Variants in KHDRBS2 observed in about 807,000 individuals in gnomAD.
KHDRBS2 encodes the protein KH RNA binding domain containing, signal transduction associated 2, also known as KH domain-containing, RNA-binding, signal transduction-associated protein 2.
Under a neutral mutation model 44.3 loss-of-function variants are expected in KHDRBS2, and 26 were observed. The observed-to-expected ratio is 0.59, with a 90% CI of 0.43 to 0.81. The LOEUF is 0.81. Among genes scored for constraint, KHDRBS2 ranks in the 40% least tolerant of loss-of-function variants. The pLI is 0.00. For synonymous variants in KHDRBS2, 194 were observed against 151.1 expected (o/e 1.28, Z -2.08); for missense variants, 476 against 433.1 (o/e 1.10, Z -0.88).
At chr6:61,562,152 C>T in the KHDRBS2 span, among the ~76,000 whole-genome samples, 1 of 152,046 alleles carries the variant, frequency 6.6e-6, no homozygotes, top group Non-Finnish European at 1.5e-5. Context: ...GCAAAAATAT[C>T]ATAAAAATTC....
chr6:61,543,206 C>G, the KHDRBS2 span, among the ~76,000 whole-genome samples: 1 of 151,900 alleles, frequency 6.6e-6, no homozygotes, highest in East Asian at 1.9e-4. Context: ...TATTTGCAAA[C>G]TATCCATCTG....
chr6:61,598,837 C>CTTTTTTTTTTTTTTT, the KHDRBS2 span, among the ~76,000 whole-genome samples: 7 of 65,514 alleles, frequency 1.1e-4, no homozygotes, highest in Non-Finnish European at 1.7e-4. Context: ...TTTTTCTTTT[C>CTTTTTTTTTTTTTTT]TTTTTTTTTT....
the KHDRBS2 span, among the ~76,000 whole-genome samples, chr6:61,580,848 C>T: frequency 8.6e-4 from 131 of 152,208 alleles, no homozygotes; most frequent in African/African-American, 3.0e-3. Flanking sequence ...TAACACTCAC[C>T]AAGAGGGTCC....
chr6:62,062,743 T>C (rs1254710834), intron 2 of KHDRBS2, among the ~76,000 whole-genome samples: 2 of 144,468 alleles, frequency 1.4e-5, no homozygotes, highest in Non-Finnish European at 3.0e-5. Flanking sequence ...GCAAACACAT[T>C]CAAAAGCTGG....
intron 6 of KHDRBS2, among the ~76,000 whole-genome samples, chr6:61,806,655 T>C (rs1049396758): frequency 6.6e-5 from 10 of 151,964 alleles, no homozygotes; most frequent in Admixed American, 5.9e-4. Flanking sequence ...ATTTCCCAAA[T>C]AGAAATATTC....
chr6:61,791,428 TTTA>T (rs1784625893), intron 6 of KHDRBS2, among the ~76,000 whole-genome samples: 1 of 151,576 alleles, frequency 6.6e-6, no homozygotes, highest in Non-Finnish European at 1.5e-5. Context: ...GTGTAAGATT[TTTA>T]TTATCATTGA....
chr6:61,690,774 C>A (rs796603457), intron 8 of KHDRBS2, among the ~76,000 whole-genome samples: 1 of 151,962 alleles, frequency 6.6e-6, no homozygotes, highest in Non-Finnish European at 1.5e-5. Flanking sequence ...ATGACTGGCA[C>A]AGTTTGGCAA....
the KHDRBS2 span, among the ~76,000 whole-genome samples, chr6:61,642,666 A>T: frequency 6.6e-6 from 1 of 151,656 alleles, no homozygotes; most frequent in East Asian, 1.9e-4. Flanking sequence ...ACATCAAAAA[A>T]AAAAAAAAGA....
intron 8 of KHDRBS2, among the ~76,000 whole-genome samples, chr6:61,682,121 G>T (rs1766373553): frequency 6.6e-6 from 1 of 151,902 alleles, no homozygotes; most frequent in Non-Finnish European, 1.5e-5. Flanking sequence ...TAGGGCATTT[G>T]CCCCCAGATA....
At chr6:62,119,897 A>T (rs1299896740) in intron 2 of KHDRBS2, among the ~76,000 whole-genome samples, 1 of 152,178 alleles carries the variant, frequency 6.6e-6, no homozygotes, top group Non-Finnish European at 1.5e-5. Flanking sequence ...CTGTAACCAA[A>T]GTCCTGGCAG....
intron 6 of KHDRBS2, among the ~76,000 whole-genome samples, chr6:61,832,231 C>A (rs1355423527): frequency 2.6e-5 from 4 of 152,032 alleles, no homozygotes; most frequent in Admixed American, 2.6e-4. Flanking sequence ...AAGACACTAC[C>A]TCAAAAGAAA....
the KHDRBS2 span, among the ~76,000 whole-genome samples, chr6:61,594,036 G>A: frequency 6.6e-6 from 1 of 151,954 alleles, no homozygotes; most frequent in Non-Finnish European, 1.5e-5. Flanking sequence ...TCTTTATTGA[G>A]CTCATACAAA....
intron 5 of KHDRBS2, among the ~76,000 whole-genome samples, chr6:61,900,012 T>G (rs1803683028): frequency 6.6e-6 from 1 of 152,006 alleles, no homozygotes; most frequent in Non-Finnish European, 1.5e-5. Flanking sequence ...CATTAATTCT[T>G]AGCATAAACA....
At chr6:62,279,875 A>G (rs1462613889) in intron 1 of KHDRBS2, among the ~76,000 whole-genome samples, 13 of 152,316 alleles carry the variant, frequency 8.5e-5, no homozygotes, top group Admixed American at 5.9e-4. Flanking sequence ...AATCTGATGG[A>G]GAAAAGCCTG....
At chr6:61,929,527 C>T (rs1460996833) in intron 4 of KHDRBS2, among the ~76,000 whole-genome samples, 1 of 152,224 alleles carries the variant, frequency 6.6e-6, no homozygotes, top group African/African-American at 2.4e-5. Flanking sequence ...GTAAGACCCC[C>T]CTCAGTCATT....
chr6:62,181,213 C>T (rs1179256950), intron 1 of KHDRBS2, among the ~76,000 whole-genome samples: 1 of 151,688 alleles, frequency 6.6e-6, no homozygotes, highest in African/African-American at 2.4e-5. Context: ...ATCAAACAAA[C>T]AGTTTCTACA....
At chr6:62,143,964 T>A (rs1413514263) in intron 2 of KHDRBS2, among the ~76,000 whole-genome samples, 1 of 151,932 alleles carries the variant, frequency 6.6e-6, no homozygotes, top group Non-Finnish European at 1.5e-5. Context: ...AGCCATCCTT[T>A]GCCAGTTGAA....
intron 2 of KHDRBS2, among the ~76,000 whole-genome samples, chr6:62,105,343 A>C (rs1351855911): frequency 6.6e-6 from 1 of 152,180 alleles, no homozygotes; most frequent in Non-Finnish European, 1.5e-5. Context: ...TATGAACATA[A>C]ATTCAACATT....
At chr6:62,100,877 A>G (rs1801710646) in intron 2 of KHDRBS2, among the ~76,000 whole-genome samples, 1 of 152,186 alleles carries the variant, frequency 6.6e-6, no homozygotes, top group African/African-American at 2.4e-5. Context: ...AGGTATGCCT[A>G]TACTTGCAGA....
Sources: allele counts gnomAD v4.1 joint callset (sites outside exome capture counted in the v4.1 genomes callset), GRCh38; gene constraint gnomAD v4.1.1; transcripts MANE v1.5; gene names NCBI Gene and HGNC (gene_info 2026-07-23, HGNC 2026-07-21).